ERBB3: variants seen among roughly 807,000 people sequenced by gnomAD.
ERBB3 encodes the protein erb-b2 receptor tyrosine kinase 3.
ERBB3 carries 96 observed loss-of-function variants against 156.7 expected under a neutral mutation model. That is an observed-to-expected ratio of 0.61 (90% CI 0.52 to 0.73). The LOEUF (loss-of-function observed/expected upper bound fraction) is 0.73. Ranked by LOEUF, ERBB3 falls within the 30% of genes least tolerant of loss-of-function variation. ERBB3 has a pLI of 0.00. For missense variants in ERBB3, 1,406 were observed against 1,709.4 expected (o/e 0.82, Z 3.13); for synonymous variants, 567 against 632.0 (o/e 0.90, Z 1.54).
At chr12:56,091,117 T>A (rs1868666913) in intron 9 of ERBB3, among the ~76,000 whole-genome samples, 1 of 150,096 alleles carries the variant, frequency 6.7e-6, no homozygotes, top group Non-Finnish European at 1.5e-5. Flanking sequence ...GTAGTTTTTT[T>A]TTGAGACAAG....
chr12:56,090,962 G>A (rs1293033036), intron 9 of ERBB3, among the ~76,000 whole-genome samples: 2 of 151,760 alleles, frequency 1.3e-5, no homozygotes, highest in African/African-American at 4.8e-5. Flanking sequence ...TTCAGTTATC[G>A]TGGCACTTCA....
chr12:56,084,057 T>C (rs1018751566), intron 2 of ERBB3, among the ~76,000 whole-genome samples, 155 bp downstream of exon 2: 2 of 152,162 alleles, frequency 1.3e-5, no homozygotes, highest in Non-Finnish European at 1.5e-5. Context: ...GGACAGTGGC[T>C]GTCATCTGGG....
intron 1 of ERBB3, among the ~76,000 whole-genome samples, chr12:56,083,077 C>G (rs2136784776): frequency 2.0e-5 from 3 of 152,232 alleles, no homozygotes; most frequent in East Asian, 1.9e-4. Context: ...TTGACCCCCC[C>G]TCACCCCAGC....
chr12:56,100,708 G>A (rs1471135862), intron 26 of ERBB3, among the ~76,000 whole-genome samples: 9 of 148,732 alleles, frequency 6.1e-5, no homozygotes, highest in Admixed American at 3.4e-4. Flanking sequence ...TTGGGAGGCC[G>A]AGGTGGGCGG....
At chr12:56,092,870 C>A (rs1868761535) in intron 10 of ERBB3, 50 bp downstream of exon 10, 1 of 1,567,948 alleles carries the variant, frequency 6.4e-7, no homozygotes, top group South Asian at 1.1e-5. Context: ...GAACCACTGG[C>A]ATAAATTGCG....
rs2136797240 is a variant in ERBB3 at position 56,088,595 on chromosome 12, G to A, written c.927G>A (p.Lys309=). The A allele has an allele frequency of 6.2e-7, 1 of 1,614,182 alleles. No individual in the cohort carries two copies. Among genetic ancestry groups the A allele is most frequent in the Non-Finnish European group, 8.5e-7 (1 of 1,180,026 alleles). The change falls in exon 8 of 28, where the codon AAG becomes AAA. Residue 309 remains lysine, a synonymous_variant. Coordinates refer to ENST00000267101, the MANE Select transcript of ERBB3 (RefSeq NM_001982.4). ...TSCVRACPPD[K]MEVDKNGLKM... ...GTGTCAGGGCCTGTCCTCCTGACAAGATGGAAGTAGATAAAAATGGGCTCA... is the reference window on the plus strand; with the variant it reads ...GTGTCAGGGCCTGTCCTCCTGACAAAATGGAAGTAGATAAAAATGGGCTCA...
At chr12:56,100,743 C>T (rs538374419) in intron 26 of ERBB3, among the ~76,000 whole-genome samples, 75 of 151,458 alleles carry the variant, frequency 5.0e-4, no homozygotes, top group South Asian at 1.0e-3. Flanking sequence ...AGTTCGAGAC[C>T]AGCCTGACCA....
intron 27 of ERBB3, 51 bp from the exon 28 acceptor site, chr12:56,101,478 C>T (rs1461777191): frequency 6.2e-7 from 1 of 1,605,692 alleles, no homozygotes; most frequent in East Asian, 2.2e-5. Context: ...CAAACTTTCC[C>T]CTACCCTCAT....
At chr12:56,097,379 C>A (rs1257075394) in intron 20 of ERBB3, 149 bp downstream of exon 20, 5 of 762,868 alleles carry the variant, frequency 6.6e-6, no homozygotes, top group African/African-American at 1.7e-5. Context: ...AGGAACCAGG[C>A]CACAGAGCAT....
At position 56,096,525 on chromosome 12, in the gene ERBB3, G is replaced by A; in HGVS notation, c.2078G>A (p.Ser693Asn). The A allele has an allele frequency of 6.2e-7, 1 of 1,614,188 alleles. No homozygotes were observed. Among genetic ancestry groups the A allele is most frequent in the South Asian group, 1.1e-5 (1 of 91,088 alleles). The change falls in exon 18 of 28, where the codon AGT becomes AAT. Residue 693 changes from serine (S) to asparagine (N), a missense_variant. Physicochemically the swap from Ser to Asn is conservative, Grantham distance 46. Coordinates refer to ENST00000267101, the MANE Select transcript of ERBB3 (RefSeq NM_001982.4). ...CAGAGCATAGAGCCTCTGGACCCCA[G>A]TGAGAAGGCTAACAAAGTCTTGGCC... ...RGESIEPLDP[S>N]EKANKVLARI...
At chr12:56,098,261 AAT>A in intron 21 of ERBB3, 8 of 491,308 alleles carry the variant, frequency 1.6e-5, no homozygotes, top group Middle Eastern at 5.4e-4. Flanking sequence ...AAAAAAAAAA[AAT>A]TAGCCAGGCG....
intron 13 of ERBB3, 57 bp downstream of exon 13, chr12:56,093,953 G>C: frequency 1.2e-6 from 2 of 1,607,340 alleles, no homozygotes; most frequent in Non-Finnish European, 1.7e-6. Flanking sequence ...CAATGGAACT[G>C]TTCAGGTGGC....
chr12:56,090,543 C>T (rs1023769173), intron 9 of ERBB3, among the ~76,000 whole-genome samples: 1 of 152,074 alleles, frequency 6.6e-6, no homozygotes, highest in African/African-American at 2.4e-5. Flanking sequence ...ACTCAGGAGG[C>T]TGAGGCAGGA....
intron 21 of ERBB3, 192 bp downstream of exon 21, chr12:56,098,132 C>A: frequency 1.6e-6 from 1 of 626,388 alleles, no homozygotes; most frequent in Non-Finnish European, 2.7e-6. Flanking sequence ...TGGCCGGGCG[C>A]GGTGGCTCAC....
chr12:56,088,500 G>A (rs2136796486), intron 7 of ERBB3, 43 bp from the exon 8 acceptor site: 2 of 1,425,360 alleles, frequency 1.4e-6, no homozygotes, highest in Non-Finnish European at 2.0e-6. Context: ...AGCTGGTGAT[G>A]TTCCTCCCTC....
At position 56,097,865 on chromosome 12, in the gene ERBB3, G is replaced by C. The variant is rs751770045; in HGVS notation, c.2541G>C (p.Gln847His). 1.2e-6 allele frequency: 2 copies of C among 1,614,016 alleles called. No homozygotes were observed. The highest frequency in any genetic ancestry group is 1.7e-6 in the Non-Finnish European group (2 of 1,180,012). ...ARNVLLKSPSQVQVADFGVAD... is the reference protein window; with the variant it reads ...ARNVLLKSPSHVQVADFGVAD... Reference sequence around the variant, plus strand: ...ACGTGCTACTCAAGTCACCCAGTCAGGTTCAGGTGGCAGATTTTGGTGTGG... The same window carrying C: ...ACGTGCTACTCAAGTCACCCAGTCACGTTCAGGTGGCAGATTTTGGTGTGG... Residue 847 changes from glutamine to histidine, a missense_variant, in exon 21 of 28, where the codon CAG becomes CAC. By Grantham distance (24) the Gln-to-His change is conservative. Transcript: ENST00000267101.
rs1323372554 is a variant in ERBB3, at chr12:56,102,624, A to G, written c.*569A>G. ...AAACTTCACCTACATTATCTCACTT[A>G]GTCCTTTATCATCCTTAAAACAATT... is the stretch of plus-strand genomic sequence containing the variant. On this transcript the variant is annotated 3_prime_UTR_variant, in exon 28 of 28. Transcript: ENST00000267101. The G allele has an allele frequency of 1.3e-5, 3 of 233,344 alleles. No homozygotes were observed. In the East Asian group the frequency reaches 1.8e-4, roughly 14 times the overall value. 14.5% of individuals were successfully genotyped at this position (233,344 alleles called of 1,614,324 possible). A position where few individuals can be genotyped will look rare whatever the true frequency, so the allele number is the denominator to read the frequency against.
chr12:56,096,220 A>G (rs1172136542), intron 17 of ERBB3: 5 of 540,150 alleles, frequency 9.3e-6, no homozygotes, highest in African/African-American at 5.7e-5. Context: ...TCAAGGTGGT[A>G]ATAGTACTAC....
Position 56,092,808 on chromosome 12 carries a change from C to T in ERBB3, c.1171C>T (p.Arg391Trp), listed in dbSNP as rs139868331. ...PEKLNVFRTV[R>W]EITGYLNIQS... ...GAAGCTCAATGTCTTCCGGACAGTACGGGAGATCACAGGTGAGTGGCAGAG... is the reference window on the plus strand; with the variant it reads ...GAAGCTCAATGTCTTCCGGACAGTATGGGAGATCACAGGTGAGTGGCAGAG... The change falls in exon 10 of 28, where the codon CGG becomes TGG. Residue 391 changes from arginine to tryptophan, a missense_variant. This residue lies in a region of ERBB3 where 979 missense variants were observed against 1,219.6 expected (regional missense o/e 0.80). Transcript: ENST00000267101. The T allele has an allele frequency of 7.1e-5, 114 of 1,613,844 alleles. No individual in the cohort carries two copies. The highest frequency in any genetic ancestry group is 1.2e-4 in the Admixed American group (7 of 59,984).
Sources: gnomAD v4.1 joint callset for allele counts (sites outside exome capture counted in the v4.1 genomes callset) on GRCh38, gnomAD v4.1.1 for gene constraint, gnomAD v4.1.1 regional missense constraint, MANE v1.5 for transcripts, NCBI Gene and HGNC (gene_info 2026-07-23, HGNC 2026-07-21) for gene names.